The following COL24A1 variants were observed in gnomAD, a reference collection of about 807,000 sequenced individuals.
The protein encoded by COL24A1 is collagen alpha-1(XXIV) chain.
COL24A1 carries 224 observed loss-of-function variants against 253.9 expected under a neutral mutation model. The observed-to-expected ratio is 0.88, with a 90% CI of 0.79 to 0.99. The LOEUF is 0.99. Ranked by LOEUF, COL24A1 falls within the 50% of genes least tolerant of loss-of-function variation. The pLI, the probability that COL24A1 is intolerant of heterozygous loss-of-function variation, is 0.00. For missense variants in COL24A1, 2,131 were observed against 2,068.5 expected (o/e 1.03, Z -0.59); for synonymous variants, 685 against 673.7 (o/e 1.02, Z -0.26).
At chr1:85,890,647 T>A (rs1683023445) in intron 31 of COL24A1, among the ~76,000 whole-genome samples, 1 of 152,250 alleles carries the variant, frequency 6.6e-6, no homozygotes, top group African/African-American at 2.4e-5. Context: ...TTTTATTTAA[T>A]CCTCACTCCT....
chr1:86,059,419 A>T (rs1700910054), intron 8 of COL24A1, among the ~76,000 whole-genome samples: 1 of 152,142 alleles, frequency 6.6e-6, no homozygotes, highest in East Asian at 1.9e-4. Context: ...TAGGATGGAA[A>T]AATCCATACT....
intron 5 of COL24A1, among the ~76,000 whole-genome samples, chr1:86,101,362 T>C (rs1239091261): frequency 6.6e-6 from 1 of 152,150 alleles, no homozygotes; most frequent in South Asian, 2.1e-4. Flanking sequence ...CTCTTCCTAT[T>C]TGGGTGCCCT....
chr1:85,745,555 T>C (rs766811364), intron 55 of COL24A1, 49 bp from the exon 56 acceptor site: 42 of 1,357,074 alleles, frequency 3.1e-5, no homozygotes, highest in Middle Eastern at 3.6e-4. Context: ...CAACACTGAG[T>C]GCCCTAAAGT....
chr1:85,766,368 CAAAAA>C (rs1319642983), intron 53 of COL24A1, among the ~76,000 whole-genome samples: 11 of 66,290 alleles, frequency 1.7e-4, no homozygotes, highest in Non-Finnish European at 2.4e-4. Flanking sequence ...GACTCTGTCT[CAAAAA>C]AAAAAAAAAA....
chr1:86,055,743 C>T (rs1700617918), intron 10 of COL24A1, among the ~76,000 whole-genome samples: 1 of 152,102 alleles, frequency 6.6e-6, no homozygotes, highest in Non-Finnish European at 1.5e-5. Context: ...AAGTAAGTTT[C>T]ATCATGACCA....
At chr1:85,810,592 A>G (rs1387943233) in intron 47 of COL24A1, among the ~76,000 whole-genome samples, 4 of 151,440 alleles carry the variant, frequency 2.6e-5, no homozygotes, top group Admixed American at 2.0e-4. Flanking sequence ...GGGCTGGGGG[A>G]GTTGTTTGGA....
chr1:85,737,559 A>T, intron 57 of COL24A1, 54 bp from the exon 58 acceptor site: 1 of 1,228,666 alleles, frequency 8.1e-7, no homozygotes, highest in Non-Finnish European at 1.1e-6. Flanking sequence ...CATAATCCTT[A>T]TAATTTCTTT....
At chr1:85,794,578 C>T (rs751000988) in intron 47 of COL24A1, among the ~76,000 whole-genome samples, 20 of 152,128 alleles carry the variant, frequency 1.3e-4, no homozygotes, top group Non-Finnish European at 2.9e-4. Context: ...TTCTGTTCAA[C>T]GTTCCAAACA....
chr1:86,128,978 T>C (rs1471876257), intron 2 of COL24A1, among the ~76,000 whole-genome samples: 4 of 151,864 alleles, frequency 2.6e-5, no homozygotes, highest in Non-Finnish European at 4.4e-5. Flanking sequence ...AATTTCATTA[T>C]TTTCTATAGC....
intron 13 of COL24A1, 38 bp downstream of exon 13, chr1:86,033,832 T>C (rs759324039): frequency 6.3e-7 from 1 of 1,575,874 alleles, no homozygotes; most frequent in East Asian, 2.3e-5. Flanking sequence ...GTATGAATGA[T>C]GTTAGAATGC....
chr1:86,145,352 A>AAAAC (rs1311081460), intron 2 of COL24A1, among the ~76,000 whole-genome samples: 2 of 152,244 alleles, frequency 1.3e-5, no homozygotes, highest in Admixed American at 1.3e-4. Flanking sequence ...GCAGAGGAGA[A>AAAAC]AAACAAACAA....
chr1:85,759,782 A>C (rs1420291492), intron 55 of COL24A1, among the ~76,000 whole-genome samples: 1 of 152,248 alleles, frequency 6.6e-6, no homozygotes, highest in Admixed American at 6.5e-5. Flanking sequence ...GTGTAGGAAC[A>C]CATGTATTTT....
At chr1:85,864,563 A>G (rs537363558) in intron 37 of COL24A1, among the ~76,000 whole-genome samples, 6 of 152,134 alleles carry the variant, frequency 3.9e-5, no homozygotes, top group Non-Finnish European at 8.8e-5. Context: ...GACATTATAA[A>G]CATTTGCTAT....
At chr1:85,777,183 C>T (rs1472436740) in intron 52 of COL24A1, among the ~76,000 whole-genome samples, 1 of 151,756 alleles carries the variant, frequency 6.6e-6, no homozygotes, top group Non-Finnish European at 1.5e-5. Flanking sequence ...CTCCTGACCT[C>T]GTGATCCGCC....
intron 53 of COL24A1, among the ~76,000 whole-genome samples, chr1:85,763,461 A>G (rs1458355402): frequency 4.7e-5 from 7 of 149,968 alleles, no homozygotes; most frequent in Non-Finnish European, 8.9e-5. Flanking sequence ...TAACAACACC[A>G]TGATTGTCTC....
intron 28 of COL24A1, among the ~76,000 whole-genome samples, chr1:85,905,960 T>C (rs1684778136): frequency 6.6e-6 from 1 of 152,102 alleles, no homozygotes. Context: ...TTGACCTAAC[T>C]AAATATTGAA....
chr1:85,945,000 GTGTTTT>G (rs1689127971), intron 24 of COL24A1, among the ~76,000 whole-genome samples: 5 of 36,126 alleles, frequency 1.4e-4, no homozygotes, highest in African/African-American at 3.9e-4. Flanking sequence ...GTCTATCATT[GTGTTTT>G]TTTTTTTTTT....
Position 85,737,422 on chromosome 1 carries a change from A to C in COL24A1, c.4756T>G (p.Cys1586Gly), listed in dbSNP as rs779569565. The C allele has an allele frequency of 6.2e-6, 10 of 1,612,608 alleles. No homozygotes were observed. The Admixed American group carries it at 6.7e-5, about 11-fold the overall frequency. Residue 1586 changes from cysteine to glycine, a missense_variant, in exon 58 of 60, where the codon TGC becomes GGC. Transcript: ENST00000370571. ...FCNFSAGGQT[C>G]LPPVSVTKLE... ...TTTGTTACAGAAACAGGAGGTAAGC[A>C]TGTCTGGCCACCAGCACTGAAATTG...
At chr1:85,911,831 G>C (rs1461690903) in intron 24 of COL24A1, among the ~76,000 whole-genome samples, 4 of 152,020 alleles carry the variant, frequency 2.6e-5, no homozygotes, top group Admixed American at 1.3e-4. Flanking sequence ...TACACAAGCG[G>C]ACAGAACATG....
Sources: gnomAD v4.1 joint callset for allele counts (sites outside exome capture counted in the v4.1 genomes callset) on GRCh38, gnomAD v4.1.1 for gene constraint, MANE v1.5 for transcripts, NCBI Gene and HGNC (gene_info 2026-07-23, HGNC 2026-07-21) for gene names.